The following KCNH7 variants were observed in gnomAD, a reference collection of about 807,000 sequenced individuals.
KCNH7 encodes voltage-gated inwardly rectifying potassium channel KCNH7.
KCNH7 carries 49 observed loss-of-function variants against 120.8 expected under a neutral mutation model. The ratio of observed to expected loss-of-function variants is 0.41; its 90% CI spans 0.32 to 0.51. The LOEUF is 0.51. KCNH7 is among the 20% of genes least tolerant of loss of function. The pLI, the probability that KCNH7 is intolerant of heterozygous loss-of-function variation, is 0.38. For synonymous variants in KCNH7, 547 were observed against 516.1 expected (o/e 1.06, Z -0.81); for missense variants, 1,097 against 1,446.6 (o/e 0.76, Z 3.92).
At chr2:162,833,028 T>C (rs570779160) in intron 2 of KCNH7, among the ~76,000 whole-genome samples, 14 of 93,900 alleles carry the variant, frequency 1.5e-4, no homozygotes, top group Admixed American at 4.4e-4. Flanking sequence ...GAAAGCATAA[T>C]GGCAAAATAC....
intron 14 of KCNH7, among the ~76,000 whole-genome samples, chr2:162,377,310 T>C (rs1576319151): frequency 6.8e-6 from 1 of 147,934 alleles, no homozygotes; most frequent in Non-Finnish European, 1.5e-5. Flanking sequence ...TAGAAACAAA[T>C]GTCAAAGGAG....
chr2:162,701,514 T>A (rs1686498102), intron 2 of KCNH7, among the ~76,000 whole-genome samples: 1 of 152,232 alleles, frequency 6.6e-6, no homozygotes, highest in East Asian at 1.9e-4. Context: ...GTTCCAAGTG[T>A]ACAAAAATAA....
intron 13 of KCNH7, among the ~76,000 whole-genome samples, chr2:162,380,465 C>G (rs557944154): frequency 6.6e-6 from 1 of 151,974 alleles, no homozygotes; most frequent in Non-Finnish European, 1.5e-5. Flanking sequence ...TTAGAGTGGG[C>G]CCAAGAAGAG....
intron 9 of KCNH7, among the ~76,000 whole-genome samples, chr2:162,401,435 G>T (rs1687061559): frequency 6.6e-6 from 1 of 151,796 alleles, no homozygotes; most frequent in Admixed American, 6.6e-5. Flanking sequence ...ACAGTGCAAT[G>T]ATGCAATTTG....
intron 2 of KCNH7, among the ~76,000 whole-genome samples, chr2:162,728,992 G>GTT (rs200678927): frequency 1.3e-5 from 2 of 148,700 alleles, no homozygotes; most frequent in Admixed American, 6.7e-5. Flanking sequence ...TAAGGTTCAA[G>GTT]TTTTTTTTTT....
rs112144869 is a variant in KCNH7, at chr2:162,472,903, G to A, written c.1129-26460C>T. Among the ~76,000 whole-genome samples the A allele has an allele frequency of 2.7e-3, 417 of 152,284 alleles. 2 individuals are homozygous for A. Among genetic ancestry groups the A allele is most frequent in the African/African-American group, 9.6e-3 (400 of 41,558 alleles). On this transcript the variant is annotated intron_variant, in intron 6 of 15. Transcript: ENST00000332142. ...GCATATAAACACCATAAAAATGGAT[G>A]ATTTCATGTCCTTTGTAGGGACATG... is the stretch of plus-strand genomic sequence containing the variant.
chr2:162,677,151 T>G (rs1167410150), intron 2 of KCNH7, among the ~76,000 whole-genome samples: 1 of 151,534 alleles, frequency 6.6e-6, no homozygotes, highest in African/African-American at 2.4e-5. Context: ...ACAGATTAAG[T>G]AGCAGAAAAT....
chr2:162,398,622 A>G (rs1361535544), intron 10 of KCNH7, among the ~76,000 whole-genome samples: 1 of 151,884 alleles, frequency 6.6e-6, no homozygotes, highest in Non-Finnish European at 1.5e-5. Context: ...TACCAACATG[A>G]CTGTAAATGA....
intron 2 of KCNH7, among the ~76,000 whole-genome samples, chr2:162,589,147 C>T (rs1214201526): frequency 6.6e-6 from 1 of 152,094 alleles, no homozygotes; most frequent in African/African-American, 2.4e-5. Flanking sequence ...AACTAGAATT[C>T]CAAATGCAGA....
chr2:162,434,817 A>G (rs1283341910), intron 8 of KCNH7, among the ~76,000 whole-genome samples: 4 of 151,964 alleles, frequency 2.6e-5, no homozygotes, highest in Admixed American at 6.6e-5. Context: ...TACATTTTTT[A>G]TATCTATCTA....
chr2:162,526,397 C>T (rs149766152), intron 3 of KCNH7, among the ~76,000 whole-genome samples: 1,772 of 151,902 alleles, frequency 0.012, 29 homozygotes, highest in African/African-American at 0.041. Context: ...ATTTATTAGA[C>T]GGGAATTTCC....
At position 162,427,904 on chromosome 2, in the gene KCNH7, G is replaced by A. The variant is rs555622955; in HGVS notation, c.1955-4369C>T. On this transcript the variant is annotated intron_variant, in intron 8 of 15. Transcript: ENST00000332142. ...TCTTTCATACAGGACAGTAACTTATGTTCTCTCTTTTAGTCTAGTTGGAGG... is the reference window on the plus strand; with the variant it reads ...TCTTTCATACAGGACAGTAACTTATATTCTCTCTTTTAGTCTAGTTGGAGG... Among the ~76,000 whole-genome samples the A allele has an allele frequency of 2.0e-5, 3 of 151,744 alleles. No individual in the cohort carries two copies. In the East Asian group the frequency reaches 5.8e-4, roughly 29 times the overall value.
intron 2 of KCNH7, among the ~76,000 whole-genome samples, chr2:162,806,231 C>T (rs1413929875): frequency 6.6e-6 from 1 of 151,722 alleles, no homozygotes; most frequent in East Asian, 1.9e-4. Context: ...CAAAAGCTAT[C>T]GAAATTTTAA....
chr2:162,807,971 C>G (rs369870341), intron 2 of KCNH7, among the ~76,000 whole-genome samples: 1 of 152,126 alleles, frequency 6.6e-6, no homozygotes, highest in Non-Finnish European at 1.5e-5. Flanking sequence ...CGTGAGCCAC[C>G]GCTCCCAGCC....
At chr2:162,377,962 T>C (rs1686271077) in intron 14 of KCNH7, among the ~76,000 whole-genome samples, 1 of 152,194 alleles carries the variant, frequency 6.6e-6, no homozygotes, top group Non-Finnish European at 1.5e-5. Flanking sequence ...TTAGAACAAA[T>C]GTTTTAAGCA....
intron 2 of KCNH7, among the ~76,000 whole-genome samples, chr2:162,834,906 G>A (rs1685602522): frequency 6.6e-6 from 1 of 152,058 alleles, no homozygotes; most frequent in African/African-American, 2.4e-5. Context: ...AAAACATAAT[G>A]ACCAAAGATG....
At position 162,476,371 on chromosome 2, in the gene KCNH7, C is replaced by T. The variant is rs77699177; in HGVS notation, c.1128+28072G>A. On this transcript the variant is annotated intron_variant, in intron 6 of 15. Transcript: ENST00000332142. Reference sequence around the variant, plus strand: ...GCATTACTATTGGATAAGAATACCTCGAGAGCATCTTAATACATTCAGTAA... The same window carrying T: ...GCATTACTATTGGATAAGAATACCTTGAGAGCATCTTAATACATTCAGTAA... 2.2e-3 allele frequency among the ~76,000 whole-genome samples: 339 copies of T among 152,250 alleles called. 2 individuals carry two copies. The highest frequency in any genetic ancestry group is 0.02 in the East Asian group (101 of 5,176).
chr2:162,592,181 C>T (rs1012071939), intron 2 of KCNH7, among the ~76,000 whole-genome samples: 1 of 152,026 alleles, frequency 6.6e-6, no homozygotes, highest in Non-Finnish European at 1.5e-5. Context: ...TTACTTAATT[C>T]AGAGTTGTGC....
intron 2 of KCNH7, among the ~76,000 whole-genome samples, chr2:162,561,052 CTTTT>C (rs58710467): frequency 6.7e-6 from 1 of 148,384 alleles, no homozygotes; most frequent in East Asian, 2.0e-4. Context: ...ATGAAATAAC[CTTTT>C]TTTTTTTTTA....
Sources: allele counts gnomAD v4.1 joint callset (sites outside exome capture counted in the v4.1 genomes callset), GRCh38; gene constraint gnomAD v4.1.1; transcripts MANE v1.5; gene names NCBI Gene and HGNC (gene_info 2026-07-23, HGNC 2026-07-21).